The following INO80 variants were observed in gnomAD, a reference collection of about 807,000 sequenced individuals.
INO80 encodes INO80 complex ATPase subunit.
INO80 carries 20 observed loss-of-function variants against 203.4 expected under a neutral mutation model. The observed-to-expected ratio is 0.10, with a 90% CI of 0.07 to 0.14. The LOEUF (loss-of-function observed/expected upper bound fraction) is 0.14, where lower values mean the gene tolerates loss of function less well. INO80 is among the 10% of genes least tolerant of loss of function. The probability of loss-of-function intolerance (pLI) is 1.00; values close to 1 mark genes in which losing one functional copy is unlikely to be tolerated. For missense variants in INO80, 1,419 were observed against 1,914.4 expected, an observed-to-expected ratio of 0.74 and a Z score of 4.83; for synonymous variants, 726 against 685.2, an observed-to-expected ratio of 1.06 and a Z score of -0.93.
chr15:40,984,876 C>G (rs914793615), intron 32 of INO80, among the ~76,000 whole-genome samples: 2 of 152,106 alleles, frequency 1.3e-5, no homozygotes, highest in African/African-American at 4.8e-5. Context: ...AGTTCAAATC[C>G]TTGGTGTGAA....
In INO80 at chr15:41,096,281, A is replaced by G; in HGVS notation, c.30T>C (p.Asp10=). ...GCTTTGCCAGCTCAGTGCAGCCTCCATCATCCCTGGCACCCAACTCCGAGG... is the reference window on the plus strand; with the variant it reads ...GCTTTGCCAGCTCAGTGCAGCCTCCGTCATCCCTGGCACCCAACTCCGAGG... The part of the protein sequence containing the change: MASELGARD[D]GGCTELAKPL... The change falls in exon 2 of 36, where the codon GAT becomes GAC. Residue 10 remains aspartate, a synonymous_variant. Transcript: ENST00000648947. 1.2e-6 allele frequency: 2 copies of G among 1,605,172 alleles called. No homozygotes were observed. Among genetic ancestry groups the G allele is most frequent in the Non-Finnish European group, 1.7e-6 (2 of 1,177,730 alleles).
chr15:41,045,586 A>C (rs1222780025), intron 23 of INO80, among the ~76,000 whole-genome samples: 3 of 6,584 alleles, frequency 4.6e-4, no homozygotes, highest in Non-Finnish European at 0.029. Context: ...TGTCTCAAAA[A>C]AAAAAAAAAA....
intron 1 of INO80, among the ~76,000 whole-genome samples, chr15:41,113,875 T>C (rs2045990455): frequency 6.6e-6 from 1 of 152,196 alleles, no homozygotes; most frequent in African/African-American, 2.4e-5. Context: ...TTATTTCCTA[T>C]CACAATTTAC....
chr15:41,017,813 TG>T (rs1403203828), intron 26 of INO80: 2 of 152,244 alleles, frequency 1.3e-5, no homozygotes, highest in African/African-American at 4.8e-5. Context: ...TGTTTGGTCC[TG>T]TTTAGATTAT....
At chr15:40,986,621 TTTTG>T (rs1455807009) in intron 31 of INO80, among the ~76,000 whole-genome samples, 1 of 151,428 alleles carries the variant, frequency 6.6e-6, no homozygotes, top group Non-Finnish European at 1.5e-5. Context: ...GTCTTGTGTT[TTTTG>T]TTTTTGTTTG....
chr15:41,039,311 A>C (rs2044632342), intron 24 of INO80, among the ~76,000 whole-genome samples: 1 of 152,214 alleles, frequency 6.6e-6, no homozygotes, highest in East Asian at 1.9e-4. Flanking sequence ...ATTTCTATAA[A>C]GTGATCTTCT....
At chr15:41,097,970 A>G (rs2045750312) in intron 1 of INO80, among the ~76,000 whole-genome samples, 1 of 152,024 alleles carries the variant, frequency 6.6e-6, no homozygotes, top group Non-Finnish European at 1.5e-5. Context: ...CAACAACAAC[A>G]ACAACAACTA....
At chr15:41,023,791 A>G (rs1227778576) in intron 25 of INO80, among the ~76,000 whole-genome samples, 1 of 145,390 alleles carries the variant, frequency 6.9e-6, no homozygotes, top group Non-Finnish European at 1.5e-5. Context: ...AAACAAAACA[A>G]AACGAAAAAA....
intron 14 of INO80, among the ~76,000 whole-genome samples, chr15:41,061,482 G>T (rs1373061604): frequency 6.8e-6 from 1 of 147,340 alleles, no homozygotes; most frequent in Non-Finnish European, 1.5e-5. Flanking sequence ...AATTAGCCAG[G>T]AGTGGTGGCA....
chr15:41,031,806 C>A (rs1015731483), intron 24 of INO80, among the ~76,000 whole-genome samples: 2 of 152,004 alleles, frequency 1.3e-5, no homozygotes, highest in Non-Finnish European at 2.9e-5. Context: ...AATATGCACA[C>A]AGTAGTGAAG....
chr15:41,098,249 C>T (rs1169238792), intron 1 of INO80, among the ~76,000 whole-genome samples: 1 of 152,150 alleles, frequency 6.6e-6, no homozygotes, highest in Non-Finnish European at 1.5e-5. Context: ...AACAGTGTAA[C>T]TTCTAGAAAA....
intron 14 of INO80, among the ~76,000 whole-genome samples, chr15:41,066,831 G>GAAAAAAAAAAAAGAAAAAAAAAA: frequency 1.2e-5 from 1 of 85,730 alleles, no homozygotes. Flanking sequence ...ATGTCTCTAA[G>GAAAAAAAAAAAAGAAAAAAAAAA]AAAAAAAAAA....
Position 40,985,393 on chromosome 15 carries a change from T to C in INO80, c.3866A>G (p.Glu1289Gly). ...GCGCTCTTTCACTCGGTTGGTTTCCTCCTGTTGCCGTTTCTCTTCCTGCCG... is the reference window on the plus strand; with the variant it reads ...GCGCTCTTTCACTCGGTTGGTTTCCCCCTGTTGCCGTTTCTCTTCCTGCCG... ...RLRQEEKRQQ[E>G]ETNRVKERKR... is the part of the protein sequence containing the mutation. Residue 1289 changes from glutamate to glycine, a missense_variant, in exon 32 of 36, where the codon GAG (glutamate) becomes GGG (glycine). Physicochemically the swap from Glu to Gly is moderately conservative, Grantham distance 98. This residue lies in a region of INO80 where 214 missense variants were observed against 248.9 expected (regional missense o/e 0.86). Coordinates refer to ENST00000648947, the MANE Select transcript of INO80 (RefSeq NM_017553.3). The C allele has an allele frequency of 1.2e-6, 2 of 1,614,042 alleles. No homozygotes were observed. Among genetic ancestry groups the C allele is most frequent in the Non-Finnish European group, 1.7e-6 (2 of 1,179,932 alleles).
intron 34 of INO80, 111 bp from the exon 35 acceptor site, chr15:40,983,188 T>C (rs1476501090): frequency 1.2e-6 from 1 of 817,906 alleles, no homozygotes; most frequent in Non-Finnish European, 1.9e-6. Context: ...GCATTTGTTT[T>C]AGGACCCATG....
Position 41,092,092 on chromosome 15 carries a change from G to C in INO80, c.472C>G (p.His158Asp). 2 of 1,612,492 alleles carry C rather than the reference G, an allele frequency of 1.2e-6. No homozygotes were observed. The highest frequency in any genetic ancestry group is 1.3e-5 in the African/African-American group (1 of 75,028). Residue 158 changes from histidine (H) to aspartate (D), a missense_variant, in exon 5 of 36, where the codon CAC becomes GAC. His to Asp is a moderately conservative substitution (Grantham distance 81). Around this residue, in one of 9 missense-constraint regions of INO80, gnomAD observed 323 missense variants for 325.4 expected, o/e 0.99. Transcript: ENST00000648947. ...TATTTGTGTAGTCGAAGCATGTTGT[G>C]AAGTTCTTCTCTGCTGAGATTGAGT... is the stretch of plus-strand genomic sequence containing the variant. ...EELNLSREEL[H>D]NMLRLHKYKK...
rs760563932 is a variant in INO80 at position 41,096,223 on chromosome 15, G to A, written c.88C>T (p.Arg30Trp). 4 of 1,613,220 alleles carry A rather than the reference G, an allele frequency of 2.5e-6. No homozygotes were observed. The highest frequency in any genetic ancestry group is 2.7e-5 in the African/African-American group (2 of 74,960). Residue 30 changes from arginine to tryptophan, a missense_variant, in exon 2 of 36, where the codon CGG (arginine) becomes TGG (tryptophan). Arg to Trp is a moderately radical substitution (Grantham distance 101, BLOSUM62 -3). Transcript: ENST00000648947. ...GTTTGTCGCAGAAAATGGTCCAACCGGAGGGCCCTCTCCAAGTACTGAAGA... is the reference window on the plus strand; with the variant it reads ...GTTTGTCGCAGAAAATGGTCCAACCAGAGGGCCCTCTCCAAGTACTGAAGA... ...LYLQYLERAL[R>W]LDHFLRQTSA...
At chr15:41,101,914 G>A (rs529372597) in intron 1 of INO80, among the ~76,000 whole-genome samples, 16 of 152,016 alleles carry the variant, frequency 1.1e-4, no homozygotes, top group African/African-American at 2.9e-4. Context: ...ATTTCTTGGC[G>A]GGCATGGTGG....
intron 1 of INO80, among the ~76,000 whole-genome samples, chr15:41,101,107 G>A (rs1596328124): frequency 2.6e-5 from 4 of 152,210 alleles, no homozygotes; most frequent in Admixed American, 2.6e-4. Context: ...TGGGATTATA[G>A]GCATGAGCCA....
At chr15:41,058,551 C>CTGTGTGTGTG in intron 16 of INO80, 88 bp downstream of exon 16, 2 of 872,416 alleles carry the variant, frequency 2.3e-6, no homozygotes, top group Non-Finnish European at 3.4e-6. Flanking sequence ...ATATACAAGT[C>CTGTGTGTGTG]TGTGTGTGTG....
Sources: gnomAD v4.1 joint callset for allele counts (sites outside exome capture counted in the v4.1 genomes callset) on GRCh38, gnomAD v4.1.1 for gene constraint, gnomAD v4.1.1 regional missense constraint, MANE v1.5 for transcripts, NCBI Gene and HGNC (gene_info 2026-07-23, HGNC 2026-07-21) for gene names.